The following TBC1D31 variants were observed in gnomAD, a reference collection of about 807,000 sequenced individuals.
TBC1D31 encodes WD repeat domain 67.
In TBC1D31, 99 loss-of-function variants were observed where a neutral mutation model predicts 132.9. That is an observed-to-expected ratio of 0.74 (90% CI 0.63 to 0.88). TBC1D31 has a LOEUF of 0.88. Ranked by LOEUF, TBC1D31 falls within the 40% of genes least tolerant of loss-of-function variation. The probability of loss-of-function intolerance (pLI) is 0.00; values close to 1 mark genes in which losing one functional copy is unlikely to be tolerated. For synonymous variants in TBC1D31, 385 were observed against 419.4 expected (o/e 0.92, Z 1.00); for missense variants, 1,134 against 1,256.6 (o/e 0.90, Z 1.48).
chr8:123,105,470 A>C lies in TBC1D31; in HGVS notation c.1209+6A>C, dbSNP rs767491783. Reference sequence around the variant, plus strand: ...GTGATTTTGAAAGTAAAAAGGTAAGAATATTTGGTAATTAAACTTTGTCAT... The same window carrying C: ...GTGATTTTGAAAGTAAAAAGGTAAGCATATTTGGTAATTAAACTTTGTCAT... On this transcript the variant is annotated splice_donor_region_variant and intron_variant, in intron 8 of 21. Transcript: ENST00000287380. 11 of 1,603,262 alleles carry C rather than the reference A, an allele frequency of 6.9e-6. No homozygotes were observed. Among genetic ancestry groups the C allele is most frequent in the Non-Finnish European group, 9.4e-6 (11 of 1,175,122 alleles).
At position 123,126,053 on chromosome 8, in the gene TBC1D31, T is replaced by C. The variant is rs767427638; in HGVS notation, c.1571-3T>C. The C allele has an allele frequency of 1.9e-6, 3 of 1,575,352 alleles. No individual in the cohort carries two copies. The highest frequency in any genetic ancestry group is 2.6e-6 in the Non-Finnish European group (3 of 1,163,932). ...GATATGTTTTCTTTTTTTTCCTTCA[T>C]AGTCAATTGGTGTCAACACTGGTTT... On this transcript the variant is annotated splice_region_variant and splice_polypyrimidine_tract_variant and intron_variant, in intron 11 of 21. Coordinates refer to ENST00000287380, the MANE Select transcript of TBC1D31 (RefSeq NM_145647.4).
At chr8:123,121,676 T>C (rs1296260181) in intron 11 of TBC1D31, among the ~76,000 whole-genome samples, 2 of 152,216 alleles carry the variant, frequency 1.3e-5, no homozygotes, top group African/African-American at 4.8e-5. Context: ...AAGCAGGTGC[T>C]GGAGCCCTGC....
At position 123,097,413 on chromosome 8, in the gene TBC1D31, C is replaced by G; in HGVS notation, c.803C>G (p.Pro268Arg). ...VRAIRHLEFL[P>R]DSFDAGSNQV... ...GCCATTCGCCATCTGGAATTTCTTCCTGATAGTTTTGATGCTGGTTCTAAT... is the reference window on the plus strand; with the variant it reads ...GCCATTCGCCATCTGGAATTTCTTCGTGATAGTTTTGATGCTGGTTCTAAT... Residue 268 changes from proline to arginine, a missense_variant, in exon 6 of 22, where the codon CCT (proline) becomes CGT (arginine). Physicochemically the swap from Pro to Arg is moderately radical, Grantham distance 103. Transcript: ENST00000287380. The G allele has an allele frequency of 6.2e-7, 1 of 1,614,122 alleles. No homozygotes were observed. The highest frequency in any genetic ancestry group is 8.5e-7 in the Non-Finnish European group (1 of 1,180,026).
intron 20 of TBC1D31, among the ~76,000 whole-genome samples, chr8:123,149,331 G>C (rs1822558709): frequency 6.6e-6 from 1 of 152,188 alleles, no homozygotes; most frequent in African/African-American, 2.4e-5. Flanking sequence ...AAGCTTTTCA[G>C]AGAGGTAAAA....
intron 2 of TBC1D31, among the ~76,000 whole-genome samples, chr8:123,078,778 G>A (rs571324348): frequency 1.2e-4 from 19 of 152,254 alleles, no homozygotes; most frequent in Middle Eastern, 3.4e-3. Context: ...TGAAATCTAT[G>A]AGTTCATGTT....
intron 1 of TBC1D31, among the ~76,000 whole-genome samples, chr8:123,075,389 G>A (rs1403599178): frequency 3.3e-5 from 5 of 152,142 alleles, no homozygotes; most frequent in Non-Finnish European, 7.4e-5. Context: ...TTATAATGAA[G>A]ATAGATGTTT....
At chr8:123,099,322 G>T (rs1421331404) in intron 6 of TBC1D31, among the ~76,000 whole-genome samples, 1 of 152,012 alleles carries the variant, frequency 6.6e-6, no homozygotes, top group Non-Finnish European at 1.5e-5. Flanking sequence ...GGGTTTCACC[G>T]TGTTAGCCAG....
rs1228747799 is a variant in TBC1D31, at chr8:123,142,233, T to C, written c.2641-29T>C. ...ATTTTATGTACTAGTAGTTTGACCT[T>C]GTTTCTGAAATGTATAACTTTTTCC... On this transcript the variant is annotated intron_variant, in intron 18 of 21. Coordinates refer to ENST00000287380, the MANE Select transcript of TBC1D31 (RefSeq NM_145647.4). 3.3e-6 allele frequency: 5 copies of C among 1,520,334 alleles called. No homozygotes were observed. In the African/African-American group the frequency reaches 5.6e-5, roughly 17 times the overall value. 94.2% of individuals were successfully genotyped at this position (1,520,334 alleles called of 1,614,324 possible). A position where few individuals can be genotyped will look rare whatever the true frequency, so the allele number is the denominator to read the frequency against.
At chr8:123,130,094 T>C in intron 15 of TBC1D31, 104 bp from the exon 16 acceptor site, 1 of 1,129,542 alleles carries the variant, frequency 8.9e-7, no homozygotes, top group South Asian at 1.8e-5. Flanking sequence ...AAATAAAGGA[T>C]ATCAATTGTA....
At chr8:123,079,062 A>C (rs542150649) in intron 2 of TBC1D31, among the ~76,000 whole-genome samples, 15 of 152,326 alleles carry the variant, frequency 9.8e-5, no homozygotes, top group East Asian at 1.9e-4. Context: ...CAGTGGGATC[A>C]TCACACAAAG....
At chr8:123,156,128 T>C (rs1563768028), downstream of TBC1D31, among the ~76,000 whole-genome samples, 1 of 152,080 alleles carries the variant, frequency 6.6e-6, no homozygotes, top group Non-Finnish European at 1.5e-5. Context: ...GTAAACCTGG[T>C]TAGTAAAAAG....
chr8:123,158,688 T>C, the TBC1D31 span, among the ~76,000 whole-genome samples: 1 of 151,980 alleles, frequency 6.6e-6, no homozygotes, highest in Non-Finnish European at 1.5e-5. Context: ...AAAGGCAGTA[T>C]GAGTACAAGC....
At chr8:123,102,286 C>T (rs1165040828) in intron 7 of TBC1D31, 1 of 456,504 alleles carries the variant, frequency 2.2e-6, no homozygotes, top group African/African-American at 2.0e-5. Context: ...CAGCGAGTAA[C>T]TAGCAGTTCT....
the TBC1D31 span, among the ~76,000 whole-genome samples, chr8:123,164,341 G>C: frequency 6.6e-6 from 1 of 152,224 alleles, no homozygotes; most frequent in Non-Finnish European, 1.5e-5. Flanking sequence ...ACATGGCCAA[G>C]TTCAACATTA....
intron 2 of TBC1D31, among the ~76,000 whole-genome samples, chr8:123,079,761 T>C (rs1048764430): frequency 5.3e-5 from 8 of 152,220 alleles, no homozygotes; most frequent in African/African-American, 1.7e-4. Flanking sequence ...TCCTGATTCA[T>C]GGGAAAATAG....
intron 10 of TBC1D31, among the ~76,000 whole-genome samples, chr8:123,113,925 C>CA (rs1199892538): frequency 6.6e-6 from 1 of 151,888 alleles, no homozygotes; most frequent in Non-Finnish European, 1.5e-5. Context: ...TTTTCTGCTA[C>CA]AAAAATGGAT....
chr8:123,081,017 G>T (rs1264551513), intron 2 of TBC1D31, among the ~76,000 whole-genome samples: 1 of 152,066 alleles, frequency 6.6e-6, no homozygotes, highest in African/African-American at 2.4e-5. Flanking sequence ...AGTATACTGG[G>T]CTCCCTAAAA....
intron 4 of TBC1D31, among the ~76,000 whole-genome samples, chr8:123,084,972 T>C (rs975761097): frequency 3.3e-5 from 5 of 152,058 alleles, no homozygotes; most frequent in African/African-American, 1.2e-4. Flanking sequence ...GTATTTTTAG[T>C]AGAGACAGGG....
Position 123,084,297 on chromosome 8 carries a change from G to T in TBC1D31, c.476G>T (p.Arg159Ile). 1 of 1,614,152 alleles carries T rather than the reference G, an allele frequency of 6.2e-7. No individual in the cohort carries two copies. Among genetic ancestry groups the T allele is most frequent in the Non-Finnish European group, 8.5e-7 (1 of 1,180,002 alleles). Residue 159 changes from arginine (R) to isoleucine (I), a missense_variant, in exon 4 of 22, where the codon AGA becomes ATA. Coordinates refer to ENST00000287380, the MANE Select transcript of TBC1D31 (RefSeq NM_145647.4). ...TTATGGGACTTGGATACCTTTCAGAGAAAAAGAAAGCTGAATATTCGCCAG... is the reference window on the plus strand; with the variant it reads ...TTATGGGACTTGGATACCTTTCAGATAAAAAGAAAGCTGAATATTCGCCAG... ...AQLWDLDTFQ[R>I]KRKLNIRQSV...
Sources: gnomAD v4.1 joint callset for allele counts (sites outside exome capture counted in the v4.1 genomes callset) on GRCh38, gnomAD v4.1.1 for gene constraint, MANE v1.5 for transcripts, NCBI Gene and HGNC (gene_info 2026-07-23, HGNC 2026-07-21) for gene names.